The following CDS2 variants were observed in gnomAD, a reference collection of about 807,000 sequenced individuals.
CDS2 encodes phosphatidate cytidylyltransferase 2.
A neutral mutation model predicts 59.0 loss-of-function variants in CDS2; 47 were observed. The ratio of observed to expected loss-of-function variants is 0.80; its 90% CI spans 0.63 to 1.02. The LOEUF (loss-of-function observed/expected upper bound fraction) is 1.02. Ranked by LOEUF, CDS2 falls within the 50% of genes least tolerant of loss-of-function variation. The probability of loss-of-function intolerance (pLI) is 0.00; values close to 1 mark genes in which losing one functional copy is unlikely to be tolerated. For missense variants in CDS2, 356 were observed against 558.9 expected (o/e 0.64, Z 3.66); for synonymous variants, 207 against 206.4 (o/e 1.00, Z -0.02).
chr20:5,136,515 T>A (rs2090651216), intron 1 of CDS2, among the ~76,000 whole-genome samples: 1 of 152,180 alleles, frequency 6.6e-6, no homozygotes, highest in South Asian at 2.1e-4. Flanking sequence ...TCCGAATTCC[T>A]TACCTCTCCT....
intron 1 of CDS2, among the ~76,000 whole-genome samples, chr20:5,171,721 T>C (rs2090957572): frequency 6.6e-6 from 1 of 152,170 alleles, no homozygotes; most frequent in African/African-American, 2.4e-5. Flanking sequence ...TTTGGTTATG[T>C]CGCTTCAAGG....
chr20:5,160,675 C>T (rs1212977341), intron 1 of CDS2, among the ~76,000 whole-genome samples: 1 of 152,136 alleles, frequency 6.6e-6, no homozygotes, highest in Admixed American at 6.6e-5. Flanking sequence ...TTTTCATCTT[C>T]CCCAAATGAA....
At chr20:5,144,618 A>G (rs555755409) in intron 1 of CDS2, among the ~76,000 whole-genome samples, 8 of 152,336 alleles carry the variant, frequency 5.3e-5, no homozygotes, top group African/African-American at 1.9e-4. Context: ...ACGTTCTTCC[A>G]GTGTTATTTG....
In CDS2 at chr20:5,190,462, C is replaced by T. The variant is rs780589428; in HGVS notation, c.*228C>T. The T allele has an allele frequency of 2.7e-5, 11 of 402,006 alleles. No homozygotes were observed. Among genetic ancestry groups the T allele is most frequent in the East Asian group, 7.3e-5 (2 of 27,232 alleles). The allele number at this position is 402,006 out of a possible 1,614,324, so 24.9% of individuals were successfully genotyped here. ...ACAGCTTTGAGTTGGAAAGAAGTCA[C>T]GGGTTGTAAAACCATTTGGATTTTT... is the stretch of plus-strand genomic sequence containing the variant. On this transcript the variant is annotated 3_prime_UTR_variant, in exon 13 of 13. Coordinates refer to ENST00000460006, the MANE Select transcript of CDS2 (RefSeq NM_003818.4).
At position 5,178,811 on chromosome 20, in the gene CDS2, T is replaced by G; in HGVS notation, c.390-6T>G. 1 of 1,614,056 alleles carries G rather than the reference T, an allele frequency of 6.2e-7. No individual in the cohort carries two copies. ...CCCCACGGCAATGACCTGTCTTCAT[T>G]TACAGGTACTTTCTCCTGTGTGTAA... On this transcript the variant is annotated splice_region_variant and splice_polypyrimidine_tract_variant and intron_variant, in intron 4 of 12. Transcript: ENST00000460006.
Position 5,185,041 on chromosome 20 carries a change from G to A in CDS2, c.759+96G>A, listed in dbSNP as rs369736484. On this transcript the variant is annotated intron_variant, in intron 8 of 12. Transcript: ENST00000460006. Reference sequence around the variant, plus strand: ...CCTGGCAGACAGAAGAAATCTAGCTGTGTTGTATTGTGGCCATGTCTTCAT... The same window carrying A: ...CCTGGCAGACAGAAGAAATCTAGCTATGTTGTATTGTGGCCATGTCTTCAT... 1.9e-4 allele frequency: 171 copies of A among 888,586 alleles called. 6 individuals are homozygous for A. The highest frequency in any genetic ancestry group is 1.8e-3 in the East Asian group (75 of 41,388). The allele number at this position is 888,586 out of a possible 1,614,324, so 55.0% of individuals were successfully genotyped here.
At chr20:5,169,273 G>A (rs927623811) in intron 1 of CDS2, among the ~76,000 whole-genome samples, 1 of 152,204 alleles carries the variant, frequency 6.6e-6, no homozygotes, top group Non-Finnish European at 1.5e-5. Context: ...GGAGCTGGGT[G>A]GATATGAGTC....
At chr20:5,129,036 A>G (rs900564450) in intron 1 of CDS2, among the ~76,000 whole-genome samples, 5 of 152,174 alleles carry the variant, frequency 3.3e-5, no homozygotes, top group African/African-American at 1.2e-4. Flanking sequence ...TTACTTTCAC[A>G]TCCTGTACTT....
At chr20:5,143,045 T>C (rs1182673321) in intron 1 of CDS2, among the ~76,000 whole-genome samples, 1 of 152,044 alleles carries the variant, frequency 6.6e-6, no homozygotes, top group Non-Finnish European at 1.5e-5. Context: ...AGTCTCACTA[T>C]GTTGACCAGG....
intron 1 of CDS2, among the ~76,000 whole-genome samples, chr20:5,137,063 C>T (rs2090654846): frequency 6.6e-6 from 1 of 152,050 alleles, no homozygotes; most frequent in Non-Finnish European, 1.5e-5. Context: ...CATTAATTTG[C>T]TTAGGATAAT....
chr20:5,189,445 C>A (rs996770681), intron 11 of CDS2, among the ~76,000 whole-genome samples: 3 of 152,106 alleles, frequency 2.0e-5, no homozygotes, highest in Non-Finnish European at 2.9e-5. Flanking sequence ...ATGTCTGTAA[C>A]CCCAGCACTT....
intron 1 of CDS2, among the ~76,000 whole-genome samples, chr20:5,140,391 CTT>C (rs1370700038): frequency 4.6e-5 from 7 of 152,312 alleles, no homozygotes; most frequent in Admixed American, 4.6e-4. Context: ...GAATGCCTGT[CTT>C]TGTGATCTCT....
At chr20:5,145,822 G>GTTTT (rs11470811) in intron 1 of CDS2, among the ~76,000 whole-genome samples, 3 of 129,264 alleles carry the variant, frequency 2.3e-5, no homozygotes, top group Admixed American at 7.9e-5. Flanking sequence ...TGCTTTTTGT[G>GTTTT]TTTTTTTTTT....
At chr20:5,168,271 T>C (rs777571613) in intron 1 of CDS2, among the ~76,000 whole-genome samples, 2 of 151,624 alleles carry the variant, frequency 1.3e-5, no homozygotes, top group Non-Finnish European at 2.9e-5. Context: ...AAAAATTATC[T>C]GGGCGTGTTG....
chr20:5,182,105 A>T, intron 5 of CDS2, among the ~76,000 whole-genome samples: 1 of 152,220 alleles, frequency 6.6e-6, no homozygotes, highest in Non-Finnish European at 1.5e-5. Context: ...TTGCTGGCCC[A>T]TGTTCTAGGA....
chr20:5,141,501 G>A (rs6053150), intron 1 of CDS2, among the ~76,000 whole-genome samples: 1 of 152,184 alleles, frequency 6.6e-6, no homozygotes. Context: ...TTGCACTGGA[G>A]ACTCCGAAGC....
intron 1 of CDS2, among the ~76,000 whole-genome samples, chr20:5,131,083 A>G (rs2090603865): frequency 6.8e-6 from 1 of 146,214 alleles, no homozygotes; most frequent in Non-Finnish European, 1.5e-5. Flanking sequence ...ACAGAGCAAG[A>G]CTCTGTCTTA....
chr20:5,164,022 C>G (rs946976698), intron 1 of CDS2, among the ~76,000 whole-genome samples: 1 of 152,060 alleles, frequency 6.6e-6, no homozygotes, highest in African/African-American at 2.4e-5. Context: ...AACTCCTGAC[C>G]TCAGGTGATT....
intron 1 of CDS2, among the ~76,000 whole-genome samples, chr20:5,133,959 G>C (rs2090628339): frequency 6.6e-6 from 1 of 151,824 alleles, no homozygotes; most frequent in Non-Finnish European, 1.5e-5. Flanking sequence ...TTCTTATTTG[G>C]CTACAAAATC....
Sources: allele counts gnomAD v4.1 joint callset (sites outside exome capture counted in the v4.1 genomes callset), GRCh38; gene constraint gnomAD v4.1.1; transcripts MANE v1.5; gene names NCBI Gene and HGNC (gene_info 2026-07-23, HGNC 2026-07-21).